The following PDE3B variants were observed in gnomAD, a reference collection of about 807,000 sequenced individuals.
PDE3B encodes cGMP-inhibited 3',5'-cyclic phosphodiesterase 3B.
In PDE3B, 66 loss-of-function variants were observed where a neutral mutation model predicts 116.8. The observed-to-expected ratio is 0.56, with a 90% CI of 0.46 to 0.69. The LOEUF (loss-of-function observed/expected upper bound fraction) is 0.69. Ranked by LOEUF, PDE3B falls within the 30% of genes least tolerant of loss-of-function variation. PDE3B has a pLI of 0.00. For missense variants in PDE3B, 1,384 were observed against 1,368.1 expected (o/e 1.01, Z -0.18); for synonymous variants, 595 against 533.6 (o/e 1.12, Z -1.59).
chr11:14,880,651 G>T, the PDE3B span: 1 of 1,598,260 alleles, frequency 6.3e-7, no homozygotes, highest in Non-Finnish European at 8.5e-7. Flanking sequence ...GAAAAATTTG[G>T]TTTCTTCCAA....
At chr11:14,799,106 T>G (rs1858660452) in intron 4 of PDE3B, among the ~76,000 whole-genome samples, 2 of 152,342 alleles carry the variant, frequency 1.3e-5, no homozygotes, top group South Asian at 4.1e-4. Context: ...GCTTTAAATG[T>G]GTCCCAGAGA....
At chr11:14,731,765 T>C (rs1481833188) in intron 1 of PDE3B, among the ~76,000 whole-genome samples, 1 of 152,208 alleles carries the variant, frequency 6.6e-6, no homozygotes, top group African/African-American at 2.4e-5. Flanking sequence ...ATTTCACTTA[T>C]TTATTCAGAA....
At chr11:14,804,218 T>C (rs1565144758) in intron 5 of PDE3B, among the ~76,000 whole-genome samples, 168 bp downstream of exon 5, 1 of 152,240 alleles carries the variant, frequency 6.6e-6, no homozygotes, top group Admixed American at 6.5e-5. Context: ...TTGCTAATTC[T>C]TTCAGTAAAA....
chr11:14,691,348 T>A (rs1855036409), intron 1 of PDE3B, among the ~76,000 whole-genome samples: 2 of 152,214 alleles, frequency 1.3e-5, no homozygotes, highest in South Asian at 4.1e-4. Context: ...ATCTTAATTA[T>A]CTAATTAGTT....
In PDE3B at chr11:14,867,402, T is replaced by C. The variant is rs567592728; in HGVS notation, c.2887-104T>C. ...TGCTTATTCATAAAAAATATTTTGA[T>C]ATAGATTGTTTATTTTAAAAAAACT... is the stretch of plus-strand genomic sequence containing the variant. On this transcript the variant is annotated intron_variant, in intron 14 of 15. Transcript: ENST00000282096. 37 of 890,464 alleles carry C rather than the reference T, an allele frequency of 4.2e-5. No individual in the cohort carries two copies. In the Admixed American group the frequency reaches 6.8e-4, roughly 16 times the overall value. 55.2% of individuals were successfully genotyped at this position (890,464 alleles called of 1,614,324 possible). A position where few individuals can be genotyped will look rare whatever the true frequency, so the allele number is the denominator to read the frequency against.
intron 1 of PDE3B, among the ~76,000 whole-genome samples, chr11:14,722,836 A>C (rs867354153): frequency 2.0e-5 from 3 of 152,306 alleles, no homozygotes; most frequent in African/African-American, 7.2e-5. Flanking sequence ...GTTTTGGGGT[A>C]ATTTTTTTAT....
At chr11:14,781,681 A>G (rs920504279) in intron 2 of PDE3B, among the ~76,000 whole-genome samples, 3 of 152,218 alleles carry the variant, frequency 2.0e-5, no homozygotes, top group Middle Eastern at 3.2e-3. Flanking sequence ...AGAGCTATGT[A>G]TGACAAACCC....
intron 1 of PDE3B, among the ~76,000 whole-genome samples, chr11:14,697,369 T>C (rs1226810171): frequency 6.6e-6 from 1 of 152,174 alleles, no homozygotes; most frequent in African/African-American, 2.4e-5. Context: ...AAAGATTGTC[T>C]TTTCCCTTCA....
At chr11:14,812,361 T>C (rs567118458) in intron 5 of PDE3B, among the ~76,000 whole-genome samples, 1 of 152,326 alleles carries the variant, frequency 6.6e-6, no homozygotes, top group Non-Finnish European at 1.5e-5. Flanking sequence ...CAGAAAATCC[T>C]CAAATTATAA....
chr11:14,851,103 G>A (rs980886955), intron 12 of PDE3B, among the ~76,000 whole-genome samples: 6 of 151,842 alleles, frequency 4.0e-5, no homozygotes, highest in African/African-American at 1.2e-4. Context: ...GATTACAGGC[G>A]TGAGCCACCA....
At chr11:14,739,867 G>T (rs1310216809) in intron 1 of PDE3B, among the ~76,000 whole-genome samples, 2 of 152,080 alleles carry the variant, frequency 1.3e-5, no homozygotes, top group African/African-American at 4.8e-5. Flanking sequence ...TAATCATGTG[G>T]TTTTTGTCAT....
At chr11:14,698,257 A>G (rs1855268898) in intron 1 of PDE3B, among the ~76,000 whole-genome samples, 1 of 151,934 alleles carries the variant, frequency 6.6e-6, no homozygotes, top group Admixed American at 6.6e-5. Flanking sequence ...CGATAAATGA[A>G]TGTTAAATTC....
At chr11:14,650,722 G>A (rs1473633199) in intron 1 of PDE3B, among the ~76,000 whole-genome samples, 1 of 152,074 alleles carries the variant, frequency 6.6e-6, no homozygotes, top group Non-Finnish European at 1.5e-5. Context: ...AACCCGGGAG[G>A]CGGAGCTTGC....
chr11:14,784,289 A>G (rs1419109147), intron 2 of PDE3B, among the ~76,000 whole-genome samples: 1 of 152,244 alleles, frequency 6.6e-6, no homozygotes, highest in Non-Finnish European at 1.5e-5. Context: ...TAGTGGGAGA[A>G]TGCAATAGAC....
At chr11:14,819,895 A>T (rs1859465699) in intron 7 of PDE3B, among the ~76,000 whole-genome samples, 1 of 152,118 alleles carries the variant, frequency 6.6e-6, no homozygotes, top group Non-Finnish European at 1.5e-5. Context: ...GAGACCAATG[A>T]CTGATAGGAT....
intron 1 of PDE3B, among the ~76,000 whole-genome samples, chr11:14,728,001 T>A (rs190818308): frequency 3.4e-4 from 52 of 152,182 alleles, no homozygotes; most frequent in Middle Eastern, 3.4e-3. Flanking sequence ...GTTAGAACTG[T>A]TTATGTGATA....
chr11:14,695,071 G>GT (rs1251798559), intron 1 of PDE3B, among the ~76,000 whole-genome samples: 1 of 152,026 alleles, frequency 6.6e-6, no homozygotes, highest in Non-Finnish European at 1.5e-5. Flanking sequence ...CCTTCTGTAG[G>GT]TATCCACTGT....
At chr11:14,706,609 A>G (rs1246282937) in intron 1 of PDE3B, among the ~76,000 whole-genome samples, 4 of 152,000 alleles carry the variant, frequency 2.6e-5, no homozygotes, top group South Asian at 2.1e-4. Context: ...CTATTTTAAT[A>G]TATGTGTTAC....
chr11:14,825,118 A>G (rs1482706436), intron 7 of PDE3B, among the ~76,000 whole-genome samples: 1 of 152,138 alleles, frequency 6.6e-6, no homozygotes, highest in African/African-American at 2.4e-5. Context: ...TACGAGACCC[A>G]CTTAAAAGAG....
Sources: gnomAD v4.1 joint callset for allele counts (sites outside exome capture counted in the v4.1 genomes callset) on GRCh38, gnomAD v4.1.1 for gene constraint, MANE v1.5 for transcripts, NCBI Gene and HGNC (gene_info 2026-07-23, HGNC 2026-07-21) for gene names.